The following LGR5 variants were observed in gnomAD, a reference collection of about 807,000 sequenced individuals.
The protein encoded by LGR5 is leucine rich repeat containing G protein-coupled receptor 5.
In LGR5, 54 loss-of-function variants were observed where a neutral mutation model predicts 76.7. The ratio of observed to expected loss-of-function variants is 0.70; its 90% CI spans 0.57 to 0.88. LGR5 has a LOEUF of 0.88. LGR5 is among the 40% of genes least tolerant of loss of function. LGR5 has a pLI of 0.00. For synonymous variants in LGR5, 406 were observed against 421.9 expected (o/e 0.96, Z 0.46); for missense variants, 1,078 against 1,073.3 (o/e 1.00, Z -0.06).
At chr12:71,572,115 G>A (rs375000496) in intron 12 of LGR5, among the ~76,000 whole-genome samples, 12 of 141,168 alleles carry the variant, frequency 8.5e-5, no homozygotes, top group East Asian at 4.2e-4. Flanking sequence ...ATGGAGTCTC[G>A]CTCTGTCGCC....
At chr12:71,487,528 C>T (rs974840729) in intron 1 of LGR5, among the ~76,000 whole-genome samples, 8 of 152,172 alleles carry the variant, frequency 5.3e-5, no homozygotes, top group Admixed American at 3.9e-4. Flanking sequence ...AATCCTCCCA[C>T]CTCAGCCTCC....
chr12:71,519,455 G>A (rs1218935515), intron 2 of LGR5, among the ~76,000 whole-genome samples: 1 of 152,034 alleles, frequency 6.6e-6, no homozygotes, highest in Non-Finnish European at 1.5e-5. Context: ...GCTCCATGAG[G>A]TCAGGGGCTT....
chr12:71,572,262 T>G (rs1160109323), intron 12 of LGR5, among the ~76,000 whole-genome samples: 1 of 152,080 alleles, frequency 6.6e-6, no homozygotes, highest in Non-Finnish European at 1.5e-5. Context: ...TTTTGCATTT[T>G]TACTAGAGAC....
intron 1 of LGR5, among the ~76,000 whole-genome samples, chr12:71,476,134 C>A (rs1873325034): frequency 6.6e-6 from 1 of 152,152 alleles, no homozygotes; most frequent in South Asian, 2.1e-4. Context: ...TTCACCCAAA[C>A]CCACCAGTTC....
intron 1 of LGR5, among the ~76,000 whole-genome samples, chr12:71,473,734 A>G (rs1444883988): frequency 6.6e-5 from 10 of 152,106 alleles, no homozygotes; most frequent in African/African-American, 2.4e-4. Flanking sequence ...TGATTATTCA[A>G]TTTACCAGAT....
chr12:71,440,686 C>T lies in LGR5; in HGVS notation c.212+394C>T, dbSNP rs999260344. On this transcript the variant is annotated intron_variant, in intron 1 of 17. Transcript: ENST00000266674. This position sits in a 1 kb window ranked among gnomAD's most constrained non-coding sequence, Gnocchi z 5.3. ...GGTCCCCGCCCCAACCGCCTCTCTG[C>T]GTCTAGTCGCATTCCACGAAAAGAT... Among the ~76,000 whole-genome samples the T allele has an allele frequency of 6.6e-6, 1 of 152,188 alleles. No homozygotes were observed. The highest frequency in any genetic ancestry group is 2.4e-5 in the African/African-American group (1 of 41,462).
intron 4 of LGR5, among the ~76,000 whole-genome samples, chr12:71,548,815 T>TACAC (rs71068775): frequency 1.1e-4 from 16 of 148,560 alleles, no homozygotes; most frequent in African/African-American, 3.7e-4. Flanking sequence ...CTAAGGTGCC[T>TACAC]ACACACACAC....
chr12:71,454,842 G>GA (rs35231654), intron 1 of LGR5, among the ~76,000 whole-genome samples: 15,643 of 140,576 alleles, frequency 0.11, 1,227 homozygotes, highest in African/African-American at 0.23. Flanking sequence ...AAAAGAACAA[G>GA]AAAAAAAAAA....
intron 3 of LGR5, among the ~76,000 whole-genome samples, 191 bp from the exon 4 acceptor site, chr12:71,534,924 T>C (rs1876507873): frequency 6.6e-6 from 1 of 152,214 alleles, no homozygotes. Flanking sequence ...TTATCACTTG[T>C]CTCATGTTAA....
At chr12:71,525,642 G>A (rs1875961984) in intron 3 of LGR5, among the ~76,000 whole-genome samples, 1 of 151,276 alleles carries the variant, frequency 6.6e-6, no homozygotes, top group African/African-American at 2.4e-5. Context: ...TAAGTATTTG[G>A]GATACTTGTG....
Position 71,580,490 on chromosome 12 carries a change from T to C in LGR5, c.1552+67T>C, listed in dbSNP as rs949952304. ...CAGTGGAACACATGGAAATGAATTA[T>C]GTTTGATGAAAAGTCATCGAACAGG... On this transcript the variant is annotated intron_variant, in intron 16 of 17. Coordinates refer to ENST00000266674, the MANE Select transcript of LGR5 (RefSeq NM_003667.4). 68 of 1,513,180 alleles carry C rather than the reference T, an allele frequency of 4.5e-5. 2 individuals carry two copies. In the South Asian group the frequency reaches 7.8e-4, roughly 17 times the overall value. The allele number at this position is 1,513,180 out of a possible 1,614,324, so 93.7% of individuals were successfully genotyped here. A position where few individuals can be genotyped will look rare whatever the true frequency, so the allele number is the denominator to read the frequency against.
In LGR5 at chr12:71,574,085, C is replaced by T. The variant is rs145456518; in HGVS notation, c.1208+1164C>T. Among the ~76,000 whole-genome samples, 59 of 151,532 alleles carry T rather than the reference C, an allele frequency of 3.9e-4. No individual in the cohort carries two copies. In the East Asian group the frequency reaches 0.01, roughly 26 times the overall value. On this transcript the variant is annotated intron_variant, in intron 13 of 17. Transcript: ENST00000266674. ...TCTATATTAAAAGGCAGGCGGATCACGAGGTCAGGAGTTCGAGACCAGCCT... is the reference window on the plus strand; with the variant it reads ...TCTATATTAAAAGGCAGGCGGATCATGAGGTCAGGAGTTCGAGACCAGCCT...
At chr12:71,553,340 G>T in intron 5 of LGR5, 52 bp downstream of exon 5, 4 of 1,485,220 alleles carry the variant, frequency 2.7e-6, no homozygotes, top group Non-Finnish European at 2.8e-6. Context: ...GTCACTGGAA[G>T]ACCTTGGCCT....
At chr12:71,521,767 A>G (rs1371729252) in intron 2 of LGR5, among the ~76,000 whole-genome samples, 1 of 152,230 alleles carries the variant, frequency 6.6e-6, no homozygotes, top group Non-Finnish European at 1.5e-5. Flanking sequence ...GGGGCAACCT[A>G]CTTTCAGACA....
chr12:71,449,072 C>A (rs1872143402), intron 1 of LGR5, among the ~76,000 whole-genome samples: 2 of 152,216 alleles, frequency 1.3e-5, no homozygotes, highest in Admixed American at 1.3e-4. Context: ...CACTAGACAC[C>A]TGTTCCCAGG....
Position 71,584,662 on chromosome 12 carries a change from C to A in LGR5, c.2652C>A (p.Ser884=), listed in dbSNP as rs376248314. The change falls in exon 18 of 18, where the codon TCC becomes TCA. Residue 884 remains serine (S), a synonymous_variant. Coordinates refer to ENST00000266674, the MANE Select transcript of LGR5 (RefSeq NM_003667.4). ...SSITYDLPPS[S]VPSPAYPVTE... ...TCACTTATGACCTGCCTCCCAGTTCCGTGCCATCACCAGCTTATCCAGTGA... is the reference window on the plus strand; with the variant it reads ...TCACTTATGACCTGCCTCCCAGTTCAGTGCCATCACCAGCTTATCCAGTGA... 3 of 1,614,010 alleles carry A rather than the reference C, an allele frequency of 1.9e-6. No homozygotes were observed. Among genetic ancestry groups the A allele is most frequent in the Non-Finnish European group, 2.5e-6 (3 of 1,179,996 alleles).
intron 1 of LGR5, among the ~76,000 whole-genome samples, chr12:71,497,906 A>G (rs1254554180): frequency 6.6e-6 from 1 of 152,264 alleles, no homozygotes; most frequent in African/African-American, 2.4e-5. Context: ...ACTGATTCAA[A>G]TACCAAATCT....
At position 71,584,622 on chromosome 12, in the gene LGR5, T is replaced by A. The variant is rs1227899626; in HGVS notation, c.2612T>A (p.Phe871Tyr). Residue 871 changes from phenylalanine (F) to tyrosine (Y), a missense_variant, in exon 18 of 18, where the codon TTT becomes TAT. Physicochemically the swap from Phe to Tyr is conservative, Grantham distance 22. Coordinates refer to ENST00000266674, the MANE Select transcript of LGR5 (RefSeq NM_003667.4). ...GACTCAACTCAAGCCTTGGTAACCT[T>A]TACCAGCTCCAGCATCACTTATGAC... The part of the protein sequence containing the change: ...SCDSTQALVT[F>Y]TSSSITYDLP... 6.2e-7 allele frequency: 1 copy of A among 1,614,166 alleles called. No individual in the cohort carries two copies. The highest frequency in any genetic ancestry group is 8.5e-7 in the Non-Finnish European group (1 of 1,180,044).
intron 12 of LGR5, 56 bp downstream of exon 12, chr12:71,571,635 TTCTCAGGG>T: frequency 7.8e-7 from 1 of 1,278,622 alleles, no homozygotes; most frequent in Non-Finnish European, 1.1e-6. Flanking sequence ...AAACTCACAT[TTCTCAGGG>T]TCACTGGTTC....
Sources: allele counts gnomAD v4.1 joint callset (sites outside exome capture counted in the v4.1 genomes callset), GRCh38; gene constraint gnomAD v4.1.1; non-coding constraint Gnocchi (gnomAD v3.1); transcripts MANE v1.5; gene names NCBI Gene and HGNC (gene_info 2026-07-23, HGNC 2026-07-21).